The following PPP1R10 variants were observed in gnomAD, a reference collection of about 807,000 sequenced individuals.
PPP1R10 encodes serine/threonine-protein phosphatase 1 regulatory subunit 10.
A neutral mutation model predicts 99.0 loss-of-function variants in PPP1R10; 15 were observed. The ratio of observed to expected loss-of-function variants is 0.15; its 90% CI spans 0.10 to 0.23. PPP1R10 has a LOEUF of 0.23. Ranked by LOEUF, PPP1R10 falls within the 10% of genes least tolerant of loss-of-function variation. PPP1R10 has a pLI of 1.00. For synonymous variants in PPP1R10, 430 were observed against 449.5 expected, an observed-to-expected ratio of 0.96 and a Z score of 0.55; for missense variants, 947 against 1,259.4, an observed-to-expected ratio of 0.75 and a Z score of 3.75.
rs1462773492 is a variant in PPP1R10 at position 30,609,840 on chromosome 6, G to A, written c.105C>T (p.Phe35=). 5.6e-6 allele frequency: 9 copies of A among 1,611,908 alleles called. No individual in the cohort carries two copies. The highest frequency in any genetic ancestry group is 7.6e-6 in the Non-Finnish European group (9 of 1,178,170). Residue 35 remains phenylalanine, a splice_region_variant and synonymous_variant, in exon 3 of 20, where the codon TTC becomes TTT. Transcript: ENST00000376511. This position sits in a 1 kb window ranked among gnomAD's most constrained non-coding sequence, Gnocchi z 4.5. The stretch of plus-strand genomic sequence containing the variant: ...TACAAAAAGGGGTAAAGACTCACCT[G>A]AAGATCTTGGAAATCCCATCCACAC... ...VKSVDGISKI[F]SLMKEARKMV...
rs759002084 is a variant in PPP1R10, at chr6:30,609,877, C to T, written c.68G>A (p.Gly23Glu). 1 of 1,614,096 alleles carries T rather than the reference C, an allele frequency of 6.2e-7. No individual in the cohort carries two copies. ...KGLDSFLNRD[G>E]EVKSVDGISK... ...AATCCCATCCACACTTTTGACTTCC[C>T]CATCTCGGTTAAGGAAGCTGTCCAG... The change falls in exon 3 of 20, where the codon GGG becomes GAG. Residue 23 changes from glycine (G) to glutamate (E), a missense_variant. Coordinates refer to ENST00000376511, the MANE Select transcript of PPP1R10 (RefSeq NM_002714.4). The surrounding 1 kb of genome is among the most constrained non-coding windows in gnomAD (Gnocchi z 4.5).
Position 30,609,970 on chromosome 6 carries a change from C to T in PPP1R10, c.-11-15G>A. On this transcript the variant is annotated splice_polypyrimidine_tract_variant and intron_variant, in intron 2 of 19. Coordinates refer to ENST00000376511, the MANE Select transcript of PPP1R10 (RefSeq NM_002714.4). This position sits in a 1 kb window ranked among gnomAD's most constrained non-coding sequence, Gnocchi z 4.5. ...GATGGTGGTTTCTATGGTAAGAGGA[C>T]AAAACAAACAAACCCACAGAATAAA... The T allele has an allele frequency of 6.4e-7, 1 of 1,557,630 alleles. No individual in the cohort carries two copies. The highest frequency in any genetic ancestry group is 8.9e-7 in the Non-Finnish European group (1 of 1,128,628).
chr6:30,600,834 C>G lies in PPP1R10; in HGVS notation c.*715G>C, dbSNP rs955187403. The G allele has an allele frequency of 6.6e-6, 1 of 152,606 alleles. No homozygotes were observed. Among genetic ancestry groups the G allele is most frequent in the African/African-American group, 2.4e-5 (1 of 41,434 alleles). The allele number at this position is 152,606 out of a possible 1,614,324, so 9.5% of individuals were successfully genotyped here. A position where few individuals can be genotyped will look rare whatever the true frequency, so the allele number is the denominator to read the frequency against. On this transcript the variant is annotated 3_prime_UTR_variant, in exon 20 of 20. Coordinates refer to ENST00000376511, the MANE Select transcript of PPP1R10 (RefSeq NM_002714.4). ...CCAGACTGGCTATAGTTGGCAAAGGCAGACCAGCACCACCGGTCTCACCTC... is the reference window on the plus strand; with the variant it reads ...CCAGACTGGCTATAGTTGGCAAAGGGAGACCAGCACCACCGGTCTCACCTC...
rs1408756103 is a variant in PPP1R10, at chr6:30,600,709, C to G, written c.*840G>C. 6.6e-6 allele frequency: 1 copy of G among 152,560 alleles called. No individual in the cohort carries two copies. The highest frequency in any genetic ancestry group is 2.4e-5 in the African/African-American group (1 of 41,428). 9.5% of individuals were successfully genotyped at this position (152,560 alleles called of 1,614,324 possible). ...GTTCCAGGTGGGAGCAGGGAGTGAGCTGACTCCCAAAGGCAGTGCATGTAG... is the reference window on the plus strand; with the variant it reads ...GTTCCAGGTGGGAGCAGGGAGTGAGGTGACTCCCAAAGGCAGTGCATGTAG... On this transcript the variant is annotated 3_prime_UTR_variant, in exon 20 of 20. Coordinates refer to ENST00000376511, the MANE Select transcript of PPP1R10 (RefSeq NM_002714.4).
At position 30,606,191 on chromosome 6, in the gene PPP1R10, T is replaced by C. The variant is rs1171482811; in HGVS notation, c.687A>G (p.Thr229=). The C allele has an allele frequency of 2.5e-6, 4 of 1,614,188 alleles. No homozygotes were observed. The highest frequency in any genetic ancestry group is 1.1e-5 in the South Asian group (1 of 91,088). Residue 229 remains threonine (T), a synonymous_variant, in exon 9 of 20, where the codon ACA becomes ACG. Coordinates refer to ENST00000376511, the MANE Select transcript of PPP1R10 (RefSeq NM_002714.4). This position sits in a 1 kb window ranked among gnomAD's most constrained non-coding sequence, Gnocchi z 6.3. ...SLVPVKKNAS[T]VVVSDKYNLK... is the part of the protein sequence containing the mutation. ...GGTTGTACTTGTCAGAAACCACCAC[T>C]GTGCTGGCATTCTTCTTCACAGGCA...
At position 30,602,621 on chromosome 6, in the gene PPP1R10, A is replaced by C; in HGVS notation, c.2028T>G (p.Gly676=). The C allele has an allele frequency of 6.3e-7, 1 of 1,585,170 alleles. No individual in the cohort carries two copies. Among genetic ancestry groups the C allele is most frequent in the Non-Finnish European group, 8.6e-7 (1 of 1,169,484 alleles). ...LLGPPPPPRG[G]DPFWDGPGDP... ...CGCCCGGGCCATCCCAGAAGGGATCACCTCCCCGGGGAGGGGGTGGAGGAC... is the reference window on the plus strand; with the variant it reads ...CGCCCGGGCCATCCCAGAAGGGATCCCCTCCCCGGGGAGGGGGTGGAGGAC... Residue 676 remains glycine (G), a synonymous_variant, in exon 19 of 20, where the codon GGT becomes GGG. Coordinates refer to ENST00000376511, the MANE Select transcript of PPP1R10 (RefSeq NM_002714.4). This position sits in a 1 kb window ranked among gnomAD's most constrained non-coding sequence, Gnocchi z 6.7.
In PPP1R10 at chr6:30,603,465, T is replaced by C. The variant is rs2127437567; in HGVS notation, c.1767+7A>G. ...AGAAGGTGGAAAAGGGGAAGGAGGGTGCGTACCATGATGGAGGTGAGGATC... is the reference window on the plus strand; with the variant it reads ...AGAAGGTGGAAAAGGGGAAGGAGGGCGCGTACCATGATGGAGGTGAGGATC... On this transcript the variant is annotated splice_region_variant and intron_variant, in intron 16 of 19. Transcript: ENST00000376511. 1 of 1,605,500 alleles carries C rather than the reference T, an allele frequency of 6.2e-7. No individual in the cohort carries two copies. Among genetic ancestry groups the C allele is most frequent in the South Asian group, 1.1e-5 (1 of 90,212 alleles).
chr6:30,606,960 G>A lies in PPP1R10; in HGVS notation c.383-104C>T, dbSNP rs76442448. 24,301 of 1,075,756 alleles carry A rather than the reference G, an allele frequency of 0.023. 587 individuals carry two copies. Among genetic ancestry groups the A allele is most frequent in the African/African-American group, 0.11 (6,622 of 62,562 alleles). 66.6% of individuals were successfully genotyped at this position (1,075,756 alleles called of 1,614,324 possible). A position where few individuals can be genotyped will look rare whatever the true frequency, so the allele number is the denominator to read the frequency against. ...AAAATATTGTGAAAATTTATGTAAC[G>A]GAGAAAGTAACCCAAAGTTTTAAGA... On this transcript the variant is annotated intron_variant, in intron 6 of 19. Coordinates refer to ENST00000376511, the MANE Select transcript of PPP1R10 (RefSeq NM_002714.4). This position sits in a 1 kb window ranked among gnomAD's most constrained non-coding sequence, Gnocchi z 6.3.
intron 1 of PPP1R10, 35 bp from the exon 2 acceptor site, chr6:30,617,033 A>G (rs1276058389): frequency 2.0e-5 from 3 of 152,280 alleles, no homozygotes; most frequent in Non-Finnish European, 2.9e-5. Context: ...GAAAGATGTA[A>G]TCAGTACGGG....
At chr6:30,610,887 T>C (rs1333165261) in intron 2 of PPP1R10, among the ~76,000 whole-genome samples, 1 of 152,174 alleles carries the variant, frequency 6.6e-6, no homozygotes, top group Non-Finnish European at 1.5e-5. Flanking sequence ...GGAAGGGAAT[T>C]AGTTAAAAGC....
intron 6 of PPP1R10, 39 bp downstream of exon 6, chr6:30,607,801 T>TA (rs1561841223): frequency 6.3e-7 from 1 of 1,583,740 alleles, no homozygotes; most frequent in South Asian, 1.1e-5. Context: ...GTGGAAGTAA[T>TA]AGAGAAAAGC....
Position 30,604,426 on chromosome 6 carries a change from C to T in PPP1R10, c.1188G>A (p.Arg396=). 6.2e-7 allele frequency: 1 copy of T among 1,613,510 alleles called. No individual in the cohort carries two copies. Residue 396 remains arginine, a synonymous_variant, in exon 13 of 20, where the codon AGG becomes AGA. Transcript: ENST00000376511. This position sits in a 1 kb window ranked among gnomAD's most constrained non-coding sequence, Gnocchi z 7.3. ...PNQLTRKGRK[R]KSVTWPEEGK... is the part of the protein sequence containing the mutation. ...CTTCCTCAGGCCATGTCACACTTTTCCTCTTCCTGCCTTTCCGGGTCAGTT... is the reference window on the plus strand; with the variant it reads ...CTTCCTCAGGCCATGTCACACTTTTTCTCTTCCTGCCTTTCCGGGTCAGTT...
chr6:30,617,050 CA>C (rs1760672951), intron 1 of PPP1R10, 52 bp from the exon 2 acceptor site: 1 of 152,454 alleles, frequency 6.6e-6, no homozygotes, highest in Non-Finnish European at 1.5e-5. Context: ...CGGGTTGCTT[CA>C]AAACACTCAC....
chr6:30,610,410 T>C (rs1469328195), intron 2 of PPP1R10, among the ~76,000 whole-genome samples: 1 of 152,204 alleles, frequency 6.6e-6, no homozygotes, highest in African/African-American at 2.4e-5. Context: ...TGGGCCAATC[T>C]TGGGTGTTTG....
Position 30,608,853 on chromosome 6 carries a change from T to C in PPP1R10, c.256A>G (p.Asn86Asp). 2 of 1,614,116 alleles carry C rather than the reference T, an allele frequency of 1.2e-6. No individual in the cohort carries two copies. The highest frequency in any genetic ancestry group is 1.7e-6 in the Non-Finnish European group (2 of 1,180,002). Residue 86 changes from asparagine to aspartate, a missense_variant, in exon 5 of 20, where the codon AAC (asparagine) becomes GAC (aspartate). By Grantham distance (23) the Asn-to-Asp change is conservative. Coordinates refer to ENST00000376511, the MANE Select transcript of PPP1R10 (RefSeq NM_002714.4). ...ATTTGCTGGAGGAGGGGAATGTTGT[T>C]GGTTGTCTTTGAATACGTCAGCCAA... ...NNWLTYSKTT[N>D]NIPLLQQILL...
chr6:30,605,106 AAG>A lies in PPP1R10; in HGVS notation c.854-14_854-13del. 6.2e-7 allele frequency: 1 copy of A among 1,609,930 alleles called. No individual in the cohort carries two copies. Among genetic ancestry groups the A allele is most frequent in the Non-Finnish European group, 8.5e-7 (1 of 1,177,584 alleles). ...CAGGCCCTCCATAGCTACAAAAAGA[AAG>A]AGCACCAAATGGCATCATCAGACCT... is the stretch of plus-strand genomic sequence containing the variant. On this transcript the variant is annotated splice_polypyrimidine_tract_variant and intron_variant, in intron 10 of 19. Transcript: ENST00000376511.
In PPP1R10 at chr6:30,600,439, G is replaced by A. The variant is rs975251906; in HGVS notation, c.*1110C>T. Reference sequence around the variant, plus strand: ...TCTCTTTCCACTGTTTATTATTAATGTACAAAATATACAAAACCAAAAAAA... The same window carrying A: ...TCTCTTTCCACTGTTTATTATTAATATACAAAATATACAAAACCAAAAAAA... On this transcript the variant is annotated 3_prime_UTR_variant, in exon 20 of 20. Transcript: ENST00000376511. 1.3e-5 allele frequency: 2 copies of A among 152,024 alleles called. No homozygotes were observed. Among genetic ancestry groups the A allele is most frequent in the Admixed American group, 6.6e-5 (1 of 15,212 alleles). 9.4% of individuals were successfully genotyped at this position (152,024 alleles called of 1,614,324 possible). A position where few individuals can be genotyped will look rare whatever the true frequency, so the allele number is the denominator to read the frequency against.
chr6:30,614,297 G>A (rs1216583332), intron 2 of PPP1R10, among the ~76,000 whole-genome samples: 1 of 151,006 alleles, frequency 6.6e-6, no homozygotes. Context: ...GTGGCTCTTT[G>A]GGGAAAAAAA....
rs1264419 is a variant in PPP1R10 at position 30,609,004 on chromosome 6, G to A, written c.194+73C>T. ...CAATCCCAGTCTCCCATCAATGACC[G>A]AGGAACCCCATGCCTCACCGCCCCA... On this transcript the variant is annotated intron_variant, in intron 4 of 19. Coordinates refer to ENST00000376511, the MANE Select transcript of PPP1R10 (RefSeq NM_002714.4). This position sits in a 1 kb window ranked among gnomAD's most constrained non-coding sequence, Gnocchi z 4.5. 5.2e-5 allele frequency: 84 copies of A among 1,610,658 alleles called. No individual in the cohort carries two copies. The Middle Eastern group carries it at 8.3e-4, about 16-fold the overall frequency.
Sources: allele counts gnomAD v4.1 joint callset (sites outside exome capture counted in the v4.1 genomes callset), GRCh38; gene constraint gnomAD v4.1.1; non-coding constraint Gnocchi (gnomAD v3.1); transcripts MANE v1.5; gene names NCBI Gene and HGNC (gene_info 2026-07-23, HGNC 2026-07-21).